Variants in ZEB2 observed in about 807,000 individuals in gnomAD.
ZEB2 encodes the protein zinc finger E-box binding homeobox 2, also known as zinc finger E-box-binding homeobox 2.
A neutral mutation model predicts 99.9 loss-of-function variants in ZEB2; 6 were observed. That is an observed-to-expected ratio of 0.06 (90% CI 0.03 to 0.12). The LOEUF (loss-of-function observed/expected upper bound fraction) is 0.12, where lower values mean the gene tolerates loss of function less well. ZEB2 is among the 10% of genes least tolerant of loss of function. ZEB2 has a pLI of 1.00. For missense variants in ZEB2, 969 were observed against 1,502.8 expected (o/e 0.64, Z 5.87); for synonymous variants, 517 against 542.5 (o/e 0.95, Z 0.65).
intron 4 of ZEB2, among the ~76,000 whole-genome samples, chr2:144,419,202 T>C (rs1316549605): frequency 6.6e-6 from 1 of 152,132 alleles, no homozygotes; most frequent in East Asian, 1.9e-4. Context: ...CCCAAAACAA[T>C]TGCCTCTCAT....
At position 144,429,745 on chromosome 2, in the gene ZEB2, G is replaced by A. The variant is rs575396683; in HGVS notation, c.331+24C>T. On this transcript the variant is annotated intron_variant, in intron 3 of 9. Coordinates refer to ENST00000627532, the MANE Select transcript of ZEB2 (RefSeq NM_014795.4). The stretch of plus-strand genomic sequence containing the variant: ...AAGATGTGAAGATGGTACAGGAAGA[G>A]GCCAAGTGATTTTAGACACTTACCT... The A allele has an allele frequency of 1.0e-4, 163 of 1,613,706 alleles. 1 individual carries two copies. In the South Asian group the frequency reaches 1.7e-3, roughly 16 times the overall value.
chr2:144,413,957 CA>C (rs1377474969), intron 4 of ZEB2, among the ~76,000 whole-genome samples: 1 of 152,154 alleles, frequency 6.6e-6, no homozygotes, highest in Non-Finnish European at 1.5e-5. Flanking sequence ...TTCTTTCCCC[CA>C]CTTTCCCCTA....
rs540420043 is a variant in ZEB2 at position 144,484,220 on chromosome 2, C to T, written c.73+33058G>A. 3.5e-4 allele frequency among the ~76,000 whole-genome samples: 9 copies of T among 25,976 alleles called. No individual in the cohort carries two copies. The East Asian group carries it at 8.5e-3, about 25-fold the overall frequency. 17.0% of individuals were successfully genotyped at this position (25,976 alleles called of 152,430 possible). On this transcript the variant is annotated intron_variant, in intron 2 of 9. Transcript: ENST00000627532. ...GTGTGTGTGTGTGTGTGTGAAATAG[C>T]CCAATTTTTAAATATTGGCAACCAA...
intron 2 of ZEB2, among the ~76,000 whole-genome samples, chr2:144,458,130 A>G (rs1382764605): frequency 6.6e-6 from 1 of 151,844 alleles, no homozygotes; most frequent in Non-Finnish European, 1.5e-5. Context: ...TCTATCTTAT[A>G]CACACACATA....
chr2:144,483,081 A>G (rs535979359), intron 2 of ZEB2, among the ~76,000 whole-genome samples: 1 of 149,330 alleles, frequency 6.7e-6, no homozygotes, highest in East Asian at 2.0e-4. Flanking sequence ...ATTCTTGTTC[A>G]TGACAGAGAG....
At chr2:144,441,209 A>AGAGAC (rs1553965039) in intron 2 of ZEB2, among the ~76,000 whole-genome samples, 1 of 24,274 alleles carries the variant, frequency 4.1e-5, no homozygotes, top group Non-Finnish European at 1.1e-4. Flanking sequence ...GAGAGAGAGA[A>AGAGAC]CCTCATGCCT....
Position 144,389,858 on chromosome 2 carries a change from A to G in ZEB2, c.3238T>C (p.Tyr1080His). The change falls in exon 10 of 10, where the codon TAC becomes CAC. Residue 1080 changes from tyrosine to histidine, a missense_variant. By Grantham distance (83) the Tyr-to-His change is moderately conservative. This residue lies in a region of ZEB2 where 17 missense variants were observed against 116.9 expected (regional missense o/e 0.15). Coordinates refer to ENST00000627532, the MANE Select transcript of ZEB2 (RefSeq NM_014795.4). The surrounding 1 kb of genome is among the most constrained non-coding windows in gnomAD (Gnocchi z 6.8). ...YSQHMNHRYSYCKREAEEREA... is the reference protein window; with the variant it reads ...YSQHMNHRYSHCKREAEEREA... ...CGCTCCTCCGCCTCCCGCTTGCAGT[A>G]GGAATACCTGTGATTCATGTGCTGC... 6.2e-7 allele frequency: 1 copy of G among 1,613,816 alleles called. No homozygotes were observed. The highest frequency in any genetic ancestry group is 8.5e-7 in the Non-Finnish European group (1 of 1,179,926).
chr2:144,398,646 G>A lies in ZEB2; in HGVS notation c.2541C>T (p.Asn847=), dbSNP rs759097498. The A allele has an allele frequency of 8.1e-6, 13 of 1,613,962 alleles. No individual in the cohort carries two copies. In the Admixed American group the frequency reaches 1.8e-4, roughly 23 times the overall value. The change falls in exon 8 of 10, where the codon AAC becomes AAT. Residue 847 remains asparagine, a synonymous_variant. Transcript: ENST00000627532. ...AGTTTTCAGATGAGGAAGAAACACTGTTATGATCTAAACTGATGCTACTAG... is the reference window on the plus strand; with the variant it reads ...AGTTTTCAGATGAGGAAGAAACACTATTATGATCTAAACTGATGCTACTAG... The part of the protein sequence containing the change: ...TKASSISLDH[N]SVSSSSENSD...
Position 144,387,062 on chromosome 2 carries a change from TACACACACACAC to T in ZEB2, c.*2377_*2388del, listed in dbSNP as rs886054884. The T allele has an allele frequency of 6.8e-6, 1 of 146,122 alleles. No homozygotes were observed. The highest frequency in any genetic ancestry group is 2.6e-5 in the African/African-American group (1 of 38,702). The allele number at this position is 146,122 out of a possible 1,614,324, so 9.1% of individuals were successfully genotyped here. On this transcript the variant is annotated 3_prime_UTR_variant, in exon 10 of 10. Coordinates refer to ENST00000627532, the MANE Select transcript of ZEB2 (RefSeq NM_014795.4). ...GTGTGTGTGTATATATATATATATA[TACACACACACAC>T]ATACACACTTTCTATTGAGTTTCAA... is the stretch of plus-strand genomic sequence containing the variant.
intron 2 of ZEB2, chr2:144,514,049 G>T: frequency 1.5e-6 from 1 of 651,744 alleles, no homozygotes; most frequent in Non-Finnish European, 2.4e-6. Context: ...CTTTCCATGT[G>T]GGGGAAAGGA....
At chr2:144,440,852 G>C (rs1425881067) in intron 2 of ZEB2, among the ~76,000 whole-genome samples, 1 of 151,716 alleles carries the variant, frequency 6.6e-6, no homozygotes, top group East Asian at 1.9e-4. Context: ...GTAAGAGAAA[G>C]AAAAATGGAT....
At chr2:144,391,010 T>C (rs541818762) in intron 9 of ZEB2, among the ~76,000 whole-genome samples, 3 of 152,250 alleles carry the variant, frequency 2.0e-5, no homozygotes, top group Non-Finnish European at 4.4e-5. Context: ...CTGTAACATA[T>C]ATGAAGTTGT....
At position 144,401,307 on chromosome 2, in the gene ZEB2, G is replaced by C; in HGVS notation, c.808C>G (p.His270Asp). ...CCTGCTCCTTGGGTTAGCATTTGGT[G>C]CTATAAAAGGAGAAAGACTGACATC... ...MVTHKPGTDQ[H>D]QMLTQGAGNR... The change falls in exon 7 of 10, where the codon CAC (histidine) becomes GAC (aspartate). Residue 270 changes from histidine (H) to aspartate (D), a missense_variant and splice_region_variant. This residue lies in a region of ZEB2 where 65 missense variants were observed against 147.7 expected (regional missense o/e 0.44). Coordinates refer to ENST00000627532, the MANE Select transcript of ZEB2 (RefSeq NM_014795.4). 1 of 1,613,992 alleles carries C rather than the reference G, an allele frequency of 6.2e-7. No homozygotes were observed. Among genetic ancestry groups the C allele is most frequent in the African/African-American group, 1.3e-5 (1 of 75,050 alleles).
At chr2:144,453,995 T>C (rs1704088090) in intron 2 of ZEB2, among the ~76,000 whole-genome samples, 1 of 152,232 alleles carries the variant, frequency 6.6e-6, no homozygotes, top group Non-Finnish European at 1.5e-5. Context: ...AGGAATGTTG[T>C]GCTCACATCT....
intron 2 of ZEB2, among the ~76,000 whole-genome samples, chr2:144,440,505 ATATATATATATTTTTTTTTTT>A (rs1367140904): frequency 1.7e-3 from 27 of 15,644 alleles, no homozygotes; most frequent in South Asian, 0.017. Context: ...ATATATATAT[ATATATATATATTTTTTTTTTT>A]TTTTTTTTTT....
At chr2:144,453,919 G>T (rs1274110594) in intron 2 of ZEB2, among the ~76,000 whole-genome samples, 2 of 152,160 alleles carry the variant, frequency 1.3e-5, no homozygotes. Flanking sequence ...TCATAATAGT[G>T]GTGACATTTA....
chr2:144,519,767 G>T, intron 1 of ZEB2, 172 bp downstream of exon 1: 1 of 351,156 alleles, frequency 2.8e-6, no homozygotes, highest in Non-Finnish European at 5.6e-6. Flanking sequence ...CCACTCTTGA[G>T]AAAAGCTTGC....
chr2:144,450,703 TCTCA>T (rs1325646580), intron 2 of ZEB2, among the ~76,000 whole-genome samples: 1 of 152,212 alleles, frequency 6.6e-6, no homozygotes, highest in Non-Finnish European at 1.5e-5. Context: ...TGAGCTGGAG[TCTCA>T]CTCAGTCACC....
In ZEB2 at chr2:144,387,652, G is replaced by T. The variant is rs1290494714; in HGVS notation, c.*1799C>A. 6.6e-6 allele frequency: 1 copy of T among 152,120 alleles called. No homozygotes were observed. Among genetic ancestry groups the T allele is most frequent in the Admixed American group, 6.5e-5 (1 of 15,270 alleles). The allele number at this position is 152,120 out of a possible 1,614,324, so 9.4% of individuals were successfully genotyped here. ...AATAATAGCTGTCTTTTTGAAATTA[G>T]ACTTTTTTTTGAATAAATCACAAAG... On this transcript the variant is annotated 3_prime_UTR_variant, in exon 10 of 10. Transcript: ENST00000627532.
Sources: gnomAD v4.1 joint callset for allele counts (sites outside exome capture counted in the v4.1 genomes callset) on GRCh38, gnomAD v4.1.1 for gene constraint, gnomAD v4.1.1 regional missense constraint, Gnocchi (gnomAD v3.1) non-coding constraint, MANE v1.5 for transcripts, NCBI Gene and HGNC (gene_info 2026-07-23, HGNC 2026-07-21) for gene names.